Variants in MYO5C observed in about 807,000 individuals in gnomAD.
MYO5C encodes myosin VC, also known as unconventional myosin-Vc.
A neutral mutation model predicts 235.7 loss-of-function variants in MYO5C; 194 were observed. The ratio of observed to expected loss-of-function variants is 0.82; its 90% CI spans 0.73 to 0.93. The LOEUF (loss-of-function observed/expected upper bound fraction) is 0.93. MYO5C is among the 40% of genes least tolerant of loss of function. The pLI is 0.00. For missense variants in MYO5C, 2,038 were observed against 2,127.2 expected (o/e 0.96, Z 0.82); for synonymous variants, 707 against 754.8 (o/e 0.94, Z 1.04).
chr15:52,261,165 C>G, intron 9 of MYO5C, 38 bp from the exon 10 acceptor site: 1 of 1,604,552 alleles, frequency 6.2e-7, no homozygotes. Context: ...GGTGGCCCAG[C>G]CATCCAAAGA....
At chr15:52,279,306 T>C (rs1201025258) in intron 3 of MYO5C, among the ~76,000 whole-genome samples, 4 of 152,202 alleles carry the variant, frequency 2.6e-5, no homozygotes, top group Non-Finnish European at 5.9e-5. Context: ...TGAAATCTGA[T>C]GAGAAACTCA....
At chr15:52,275,452 C>T (rs2037022345) in intron 5 of MYO5C, 110 bp downstream of exon 5, 21 of 1,384,468 alleles carry the variant, frequency 1.5e-5, no homozygotes, top group Non-Finnish European at 2.0e-5. Context: ...CCTGCCCTCA[C>T]TTCTTTAGTC....
At chr15:52,195,234 C>T in intron 40 of MYO5C, 143 bp downstream of exon 40, 1 of 562,338 alleles carries the variant, frequency 1.8e-6, no homozygotes, top group Admixed American at 3.6e-5. Context: ...AAATTTCCTG[C>T]TTACCTTTGA....
At chr15:52,257,655 C>T (rs570710689) in intron 10 of MYO5C, among the ~76,000 whole-genome samples, 1 of 152,290 alleles carries the variant, frequency 6.6e-6, no homozygotes, top group South Asian at 2.1e-4. Context: ...CCTAACACAG[C>T]CCTATGTGAA....
chr15:52,240,264 T>G (rs991221845), intron 20 of MYO5C, among the ~76,000 whole-genome samples: 1 of 152,088 alleles, frequency 6.6e-6, no homozygotes, highest in Non-Finnish European at 1.5e-5. Flanking sequence ...ACTTGTCATA[T>G]TCAACATCAA....
chr15:52,247,161 C>T (rs998655413), intron 15 of MYO5C, 147 bp from the exon 16 acceptor site: 16 of 698,934 alleles, frequency 2.3e-5, no homozygotes, highest in South Asian at 5.6e-5. Context: ...GGTTTCAGTC[C>T]GTGACTGTGG....
At chr15:52,249,867 T>C (rs2141332209) in intron 13 of MYO5C, among the ~76,000 whole-genome samples, 1 of 152,342 alleles carries the variant, frequency 6.6e-6, no homozygotes, top group South Asian at 2.1e-4. Context: ...TACGACCTGA[T>C]TTCCCTGGCC....
chr15:52,269,799 A>G lies in MYO5C; in HGVS notation c.894T>C (p.Asn298=). The part of the protein sequence containing the change: ...MGGNTVIEGV[N]DRAEMVETQK... ...GAGTCTCTACCATTTCAGCTCGATCATTCACACCCTCAATGACAGTATTGC... is the reference window on the plus strand; with the variant it reads ...GAGTCTCTACCATTTCAGCTCGATCGTTCACACCCTCAATGACAGTATTGC... Residue 298 remains asparagine (N), a synonymous_variant, in exon 8 of 41, where the codon AAT becomes AAC. Coordinates refer to ENST00000261839, the MANE Select transcript of MYO5C (RefSeq NM_018728.4). The G allele has an allele frequency of 1.9e-6, 3 of 1,613,622 alleles. No homozygotes were observed. The highest frequency in any genetic ancestry group is 2.5e-6 in the Non-Finnish European group (3 of 1,179,820).
At chr15:52,280,927 T>C (rs1445647778) in intron 2 of MYO5C, among the ~76,000 whole-genome samples, 1 of 152,164 alleles carries the variant, frequency 6.6e-6, no homozygotes, top group Non-Finnish European at 1.5e-5. Flanking sequence ...CTGTTCTGCA[T>C]AAAGCGAGCA....
At chr15:52,206,908 G>A (rs898513569) in intron 36 of MYO5C, among the ~76,000 whole-genome samples, 9 of 152,194 alleles carry the variant, frequency 5.9e-5, no homozygotes, top group South Asian at 2.1e-4. Context: ...CGAGGCAGGC[G>A]GATCACTTGA....
chr15:52,204,827 C>T (rs1214002038), intron 38 of MYO5C, 38 bp downstream of exon 38: 5 of 1,600,066 alleles, frequency 3.1e-6, no homozygotes, highest in Non-Finnish European at 8.5e-7. Context: ...ATCCTTTCTG[C>T]AGGCCTCTCC....
chr15:52,286,327 G>GC (rs1245591705), intron 1 of MYO5C, among the ~76,000 whole-genome samples: 112 of 149,778 alleles, frequency 7.5e-4, no homozygotes, highest in African/African-American at 2.6e-3. Flanking sequence ...GGGGGGGTCA[G>GC]CCCCCCGCCC....
chr15:52,261,431 A>T (rs1596205168), intron 9 of MYO5C, among the ~76,000 whole-genome samples: 1 of 152,240 alleles, frequency 6.6e-6, no homozygotes, highest in Admixed American at 6.5e-5. Context: ...CTAAGGCCAT[A>T]GAGGCCACCC....
chr15:52,286,022 GT>G (rs1566995410), intron 1 of MYO5C, among the ~76,000 whole-genome samples: 1 of 152,168 alleles, frequency 6.6e-6, no homozygotes, highest in African/African-American at 2.4e-5. Flanking sequence ...CGTCTGAGAT[GT>G]GGGGAGCGCC....
chr15:52,295,646 G>GGGCCGGGGCCA lies in MYO5C; in HGVS notation c.-21_-11dup. ...GCTCGGCCACCGCCATGGGCAGGAGGGGCCGGGGCCAGGCCGGGGCTGCCG... is the reference window on the plus strand; with the variant it reads ...GCTCGGCCACCGCCATGGGCAGGAGGGGCCGGGGCCAGGCCGGGGCCAGGCCGGGGCTGCCG... On this transcript the variant is annotated 5_prime_UTR_variant, in exon 1 of 41. Transcript: ENST00000261839. 1 of 1,461,376 alleles carries GGGCCGGGGCCA rather than the reference G, an allele frequency of 6.8e-7. No individual in the cohort carries two copies. 90.5% of individuals were successfully genotyped at this position (1,461,376 alleles called of 1,614,324 possible).
intron 1 of MYO5C, among the ~76,000 whole-genome samples, chr15:52,292,019 G>A (rs555974092): frequency 2.6e-5 from 4 of 152,184 alleles, no homozygotes; most frequent in East Asian, 3.9e-4. Context: ...GATTACAGGC[G>A]TGAGCCACCG....
chr15:52,217,795 G>A (rs2035589159), intron 32 of MYO5C, among the ~76,000 whole-genome samples: 1 of 152,286 alleles, frequency 6.6e-6, no homozygotes, highest in East Asian at 1.9e-4. Flanking sequence ...AGAAGGGTAC[G>A]TGGGCATGTC....
At chr15:52,198,795 T>A (rs2035115662) in intron 38 of MYO5C, among the ~76,000 whole-genome samples, 1 of 152,080 alleles carries the variant, frequency 6.6e-6, no homozygotes, top group East Asian at 1.9e-4. Context: ...TTGGCCAGGC[T>A]GGTCTCGAAC....
At chr15:52,278,832 A>T (rs754919054) in intron 4 of MYO5C, 41 bp downstream of exon 4, 1 of 1,609,074 alleles carries the variant, frequency 6.2e-7, no homozygotes, top group Admixed American at 1.7e-5. Context: ...TGCAGGGAGC[A>T]TTGGCAGAGC....
Sources: gnomAD v4.1 joint callset for allele counts (sites outside exome capture counted in the v4.1 genomes callset) on GRCh38, gnomAD v4.1.1 for gene constraint, MANE v1.5 for transcripts, NCBI Gene and HGNC (gene_info 2026-07-23, HGNC 2026-07-21) for gene names.